HDAC9: variants seen among roughly 807,000 people sequenced by gnomAD.
HDAC9 encodes the protein histone deacetylase 9.
In HDAC9, 41 loss-of-function variants were observed where a neutral mutation model predicts 139.4. The observed-to-expected ratio is 0.29, with a 90% CI of 0.23 to 0.38. HDAC9 has a LOEUF of 0.38. Ranked by LOEUF, HDAC9 falls within the 10% of genes least tolerant of loss-of-function variation. The probability of loss-of-function intolerance (pLI) is 1.00; values close to 1 mark genes in which losing one functional copy is unlikely to be tolerated. For synonymous variants in HDAC9, 517 were observed against 476.2 expected, an observed-to-expected ratio of 1.09 and a Z score of -1.12; for missense variants, 1,147 against 1,297.0, an observed-to-expected ratio of 0.88 and a Z score of 1.78.
Position 18,575,520 on chromosome 7 carries a change from C to T in HDAC9, c.23-9761C>T, listed in dbSNP as rs562403576. 2.6e-5 allele frequency among the ~76,000 whole-genome samples: 4 copies of T among 152,300 alleles called. No individual in the cohort carries two copies. In the South Asian group the frequency reaches 8.3e-4, roughly 32 times the overall value. ...ATGAATGGGTAAGTTTTATTTTCCTCAGTGTTCACTTACTCCATGTTGTCA... is the reference window on the plus strand; with the variant it reads ...ATGAATGGGTAAGTTTTATTTTCCTTAGTGTTCACTTACTCCATGTTGTCA... On this transcript the variant is annotated intron_variant, in intron 2 of 25. Transcript: ENST00000686413.
At chr7:18,490,184 T>C (rs1429856480) in intron 1 of HDAC9, among the ~76,000 whole-genome samples, 1 of 152,104 alleles carries the variant, frequency 6.6e-6, no homozygotes, top group Non-Finnish European at 1.5e-5. Context: ...TCTCATCTTA[T>C]GGTTCTCAAA....
intron 21 of HDAC9, among the ~76,000 whole-genome samples, chr7:18,862,377 T>TC (rs1460353819): frequency 2.0e-5 from 3 of 151,974 alleles, no homozygotes; most frequent in Non-Finnish European, 2.9e-5. Context: ...TCTAAATGAA[T>TC]CCCCCCAGTC....
intron 19 of HDAC9, among the ~76,000 whole-genome samples, chr7:18,833,101 G>A (rs112332033): frequency 0.031 from 4,720 of 152,216 alleles, 145 homozygotes; most frequent in African/African-American, 0.075. Flanking sequence ...ACATAATTGA[G>A]TTTAACCTTT....
At chr7:18,799,479 T>G (rs1057013092) in intron 17 of HDAC9, among the ~76,000 whole-genome samples, 1 of 152,184 alleles carries the variant, frequency 6.6e-6, no homozygotes, top group Non-Finnish European at 1.5e-5. Context: ...AGACAAAAAC[T>G]AAGCTAGATA....
chr7:18,161,679 C>T (rs1170632766), intron 1 of HDAC9, among the ~76,000 whole-genome samples: 2 of 152,092 alleles, frequency 1.3e-5, no homozygotes, highest in African/African-American at 4.8e-5. Context: ...TTACTTTGGG[C>T]TGGAACAAGA....
chr7:18,785,066 C>G (rs967492135), intron 16 of HDAC9, among the ~76,000 whole-genome samples: 1 of 151,468 alleles, frequency 6.6e-6, no homozygotes, highest in African/African-American at 2.4e-5. Flanking sequence ...ATAATTATTT[C>G]TTTTTGAAAT....
chr7:19,001,499 A>G lies in HDAC9; in HGVS notation c.*5437A>G, dbSNP rs534710472. 2.6e-5 allele frequency: 4 copies of G among 151,598 alleles called. No individual in the cohort carries two copies. The highest frequency in any genetic ancestry group is 5.9e-5 in the Non-Finnish European group (4 of 67,898). 9.4% of individuals were successfully genotyped at this position (151,598 alleles called of 1,614,324 possible). The stretch of plus-strand genomic sequence containing the variant: ...CAATTCATAGAGATCTTGCAGCAAT[A>G]TTTGGCTATTGGTTTTATTAACTTA... On this transcript the variant is annotated 3_prime_UTR_variant, in exon 26 of 26. Transcript: ENST00000686413.
chr7:18,812,281 T>A (rs1794233455), intron 17 of HDAC9, among the ~76,000 whole-genome samples: 1 of 151,960 alleles, frequency 6.6e-6, no homozygotes, highest in Admixed American at 6.6e-5. Flanking sequence ...GTGTTCTGTA[T>A]TCATTTGAGT....
At chr7:18,198,689 A>G (rs1790894384) in intron 2 of HDAC9, among the ~76,000 whole-genome samples, 1 of 152,082 alleles carries the variant, frequency 6.6e-6, no homozygotes, top group African/African-American at 2.4e-5. Context: ...TTTTTTTCCT[A>G]ATTGTACAAT....
At chr7:18,298,049 A>G (rs572539763) in intron 1 of HDAC9, among the ~76,000 whole-genome samples, 4 of 152,176 alleles carry the variant, frequency 2.6e-5, no homozygotes, top group South Asian at 4.1e-4. Flanking sequence ...AGTCTGTATT[A>G]TTTCCAGTAA....
intron 2 of HDAC9, among the ~76,000 whole-genome samples, chr7:18,201,378 C>T (rs1791103438): frequency 6.6e-6 from 1 of 152,122 alleles, no homozygotes; most frequent in Non-Finnish European, 1.5e-5. Flanking sequence ...AGACAGAGAT[C>T]AAAATAATAG....
Position 18,932,868 on chromosome 7 carries a change from GAA to G in HDAC9, c.2804-2939_2804-2938del, listed in dbSNP as rs1554405297. Among the ~76,000 whole-genome samples the G allele has an allele frequency of 1.3e-5, 2 of 151,786 alleles. 1 individual carries two copies. Among genetic ancestry groups the G allele is most frequent in the South Asian group, 4.2e-4 (2 of 4,802 alleles). On this transcript the variant is annotated intron_variant, in intron 22 of 25. Transcript: ENST00000686413. ...GGAAAAAAAGAAAGAAAGAAAGAAA[GAA>G]AGAAAGAAAGGATGTCCTGACTTTC... is the stretch of plus-strand genomic sequence containing the variant.
At chr7:18,702,630 A>T (rs991325744) in intron 12 of HDAC9, among the ~76,000 whole-genome samples, 2 of 152,196 alleles carry the variant, frequency 1.3e-5, no homozygotes, top group African/African-American at 4.8e-5. Context: ...GATGGAGAAG[A>T]GGGTGTATCT....
chr7:18,219,501 T>TA (rs1187114784), intron 2 of HDAC9, among the ~76,000 whole-genome samples: 1 of 152,172 alleles, frequency 6.6e-6, no homozygotes, highest in Non-Finnish European at 1.5e-5. Flanking sequence ...CTTTTTTTTT[T>TA]ACTTTTGTTG....
intron 2 of HDAC9, among the ~76,000 whole-genome samples, chr7:18,180,265 A>ACACCCCCCC (rs568367952): frequency 5.3e-5 from 8 of 151,212 alleles, no homozygotes; most frequent in Non-Finnish European, 8.8e-5. Flanking sequence ...ACACACACAC[A>ACACCCCCCC]CACACACACC....
chr7:18,384,198 G>T (rs1785703128), intron 1 of HDAC9, among the ~76,000 whole-genome samples: 1 of 151,798 alleles, frequency 6.6e-6, no homozygotes, highest in Non-Finnish European at 1.5e-5. Context: ...GTGGTCCCAG[G>T]TACTTGGGAG....
At chr7:18,843,157 T>C (rs1291308097) in intron 21 of HDAC9, among the ~76,000 whole-genome samples, 1 of 152,132 alleles carries the variant, frequency 6.6e-6, no homozygotes, top group Non-Finnish European at 1.5e-5. Flanking sequence ...AGGATATCTA[T>C]GTTTAATTCT....
At chr7:18,986,923 C>T (rs1258342537) in intron 25 of HDAC9, among the ~76,000 whole-genome samples, 1 of 152,100 alleles carries the variant, frequency 6.6e-6, no homozygotes, top group East Asian at 1.9e-4. Flanking sequence ...ATTTTGTATC[C>T]TGAGACTTTG....
chr7:18,121,331 G>A (rs763633534), intron 1 of HDAC9, among the ~76,000 whole-genome samples: 15 of 152,078 alleles, frequency 9.9e-5, no homozygotes, highest in African/African-American at 3.4e-4. Context: ...ATACTTGCCC[G>A]TAGAGTTTTA....
Sources: gnomAD v4.1 joint callset for allele counts (sites outside exome capture counted in the v4.1 genomes callset) on GRCh38, gnomAD v4.1.1 for gene constraint, MANE v1.5 for transcripts, NCBI Gene and HGNC (gene_info 2026-07-23, HGNC 2026-07-21) for gene names.